The following FFAR4 variants were observed in gnomAD, a reference collection of about 807,000 sequenced individuals.
FFAR4 encodes the protein free fatty acid receptor 4.
FFAR4 carries 19 observed loss-of-function variants against 27.0 expected under a neutral mutation model. That is an observed-to-expected ratio of 0.70 (90% confidence interval 0.49 to 1.03). The LOEUF is 1.03. Ranked by LOEUF, FFAR4 falls within the 50% of genes least tolerant of loss-of-function variation. The pLI is 0.00. For missense variants in FFAR4, 476 were observed against 479.0 expected (o/e 0.99, Z 0.06); for synonymous variants, 254 against 215.6 (o/e 1.18, Z -1.56).
intron 1 of FFAR4, among the ~76,000 whole-genome samples, chr10:93,571,150 C>T (rs1333585084): frequency 2.6e-5 from 4 of 152,164 alleles, no homozygotes; most frequent in East Asian, 3.8e-4. Flanking sequence ...ATCCTAGCAA[C>T]GTTGACATCT....
At position 93,566,860 on chromosome 10, in the gene FFAR4, T is replaced by C; in HGVS notation, c.140T>C (p.Leu47Pro). ...LVLAAVETTV[L>P]VLIFAVSLLG... ...CTGGCCGCGGTGGAGACAACCGTGC[T>C]GGTGCTCATCTTTGCAGTGTCGCTG... The change falls in exon 1 of 3, where the codon CTG becomes CCG. Residue 47 changes from leucine to proline, a missense_variant. Physicochemically the swap from Leu to Pro is moderately conservative, Grantham distance 98. Transcript: ENST00000371481. 1.9e-6 allele frequency: 3 copies of C among 1,601,720 alleles called. No individual in the cohort carries two copies. Among genetic ancestry groups the C allele is most frequent in the Non-Finnish European group, 2.6e-6 (3 of 1,175,662 alleles).
chr10:93,586,876 G>C (rs1290126347), intron 2 of FFAR4, among the ~76,000 whole-genome samples: 1 of 152,212 alleles, frequency 6.6e-6, no homozygotes, highest in African/African-American at 2.4e-5. Context: ...GTATAGCATT[G>C]TTTGAGTTTG....
Position 93,575,229 on chromosome 10 carries a change from G to T in FFAR4, c.568-862G>T, listed in dbSNP as rs554616442. Among the ~76,000 whole-genome samples the T allele has an allele frequency of 1.9e-4, 29 of 152,278 alleles. No homozygotes were observed. In the Middle Eastern group the frequency reaches 0.01, roughly 54 times the overall value. ...GGCCACTTGTTTTCTAGACAGTTTT[G>T]TTTCTGTAGTCAAGTGGGCATAGGA... On this transcript the variant is annotated intron_variant, in intron 1 of 2. Transcript: ENST00000371481.
chr10:93,578,835 G>A (rs2058181551), intron 2 of FFAR4, among the ~76,000 whole-genome samples: 1 of 152,216 alleles, frequency 6.6e-6, no homozygotes, highest in African/African-American at 2.4e-5. Flanking sequence ...ACAAGGAATT[G>A]ATGCTAGAGC....
intron 2 of FFAR4, 103 bp from the exon 3 acceptor site, chr10:93,587,117 C>A: frequency 9.9e-7 from 1 of 1,012,556 alleles, no homozygotes; most frequent in Non-Finnish European, 1.4e-6. Context: ...CACACAGCTT[C>A]AGTGCCTTGG....
chr10:93,572,870 C>T (rs529568207), intron 1 of FFAR4, among the ~76,000 whole-genome samples: 4 of 152,268 alleles, frequency 2.6e-5, no homozygotes, highest in South Asian at 2.1e-4. Context: ...CAAAAGGAGC[C>T]GTGGAAATGA....
At position 93,587,254 on chromosome 10, in the gene FFAR4, G is replaced by A; in HGVS notation, c.731G>A (p.Ser244Asn). 6.2e-7 allele frequency: 1 copy of A among 1,614,092 alleles called. No individual in the cohort carries two copies. The change falls in exon 3 of 3, where the codon AGC becomes AAC. Residue 244 changes from serine to asparagine, a missense_variant. Coordinates refer to ENST00000371481, the MANE Select transcript of FFAR4 (RefSeq NM_001195755.2). ...TKASRKRLTV[S>N]LAYSESHQIR... The stretch of plus-strand genomic sequence containing the variant: ...GCATCAAGGAAGAGGCTCACGGTAA[G>A]CCTGGCCTACTCGGAGAGCCACCAG...
At position 93,587,825 on chromosome 10, in the gene FFAR4, C is replaced by T. The variant is rs1589681074; in HGVS notation, c.*216C>T. 1 of 486,940 alleles carries T rather than the reference C, an allele frequency of 2.1e-6. No homozygotes were observed. Among genetic ancestry groups the T allele is most frequent in the South Asian group, 2.4e-5 (1 of 42,452 alleles). 30.2% of individuals were successfully genotyped at this position (486,940 alleles called of 1,614,324 possible). A position where few individuals can be genotyped will look rare whatever the true frequency, so the allele number is the denominator to read the frequency against. On this transcript the variant is annotated 3_prime_UTR_variant, in exon 3 of 3. Coordinates refer to ENST00000371481, the MANE Select transcript of FFAR4 (RefSeq NM_001195755.2). ...TGTTGGCCAGGTGCAGTGGTTCATG[C>T]CTGTAATCCCAGCAGTTTGGGAGGC...
rs377293659 is a variant in FFAR4, at chr10:93,567,218, G to A, written c.498G>A (p.Ser166=). The A allele has an allele frequency of 1.2e-6, 2 of 1,601,526 alleles. No individual in the cohort carries two copies. Among genetic ancestry groups the A allele is most frequent in the Non-Finnish European group, 1.7e-6 (2 of 1,179,474 alleles). Residue 166 remains serine (S), a synonymous_variant, in exon 1 of 3, where the codon TCG becomes TCA. Transcript: ENST00000371481. ...TGCTGGCGCTCATCTGGGGCTATTC[G>A]GCGGTCGCCGCTCTGCCTCTCTGCG... ...AVLLALIWGY[S]AVAALPLCVF...
At chr10:93,567,821 G>A (rs966187184) in intron 1 of FFAR4, among the ~76,000 whole-genome samples, 1 of 152,142 alleles carries the variant, frequency 6.6e-6, no homozygotes, top group Non-Finnish European at 1.5e-5. Context: ...CTTTGAAAGC[G>A]CGCGGACAGG....
At chr10:93,570,225 T>C (rs1053600371) in intron 1 of FFAR4, among the ~76,000 whole-genome samples, 4 of 151,106 alleles carry the variant, frequency 2.6e-5, no homozygotes, top group African/African-American at 7.3e-5. Flanking sequence ...CACACCTACC[T>C]GCCCAGGAAC....
intron 1 of FFAR4, among the ~76,000 whole-genome samples, chr10:93,574,070 C>T (rs999116091): frequency 3.3e-5 from 5 of 152,056 alleles, no homozygotes; most frequent in Non-Finnish European, 4.4e-5. Flanking sequence ...CATGCGAGCA[C>T]GTGAGTGTAT....
chr10:93,586,690 G>T (rs572161623), intron 2 of FFAR4, among the ~76,000 whole-genome samples: 4 of 152,228 alleles, frequency 2.6e-5, no homozygotes, highest in African/African-American at 9.6e-5. Context: ...TGCGTGGTGT[G>T]GGCCCATCTG....
rs193206933 is a variant in FFAR4 at position 93,589,115 on chromosome 10, C to G, written c.*1506C>G. On this transcript the variant is annotated 3_prime_UTR_variant, in exon 3 of 3. Coordinates refer to ENST00000371481, the MANE Select transcript of FFAR4 (RefSeq NM_001195755.2). ...CGTAAGCCGACTATTGATGGAGCCT[C>G]CTCTGCACTAGGCACTGCCTTTAAT... The G allele has an allele frequency of 6.6e-6, 1 of 152,384 alleles. No homozygotes were observed. Among genetic ancestry groups the G allele is most frequent in the African/African-American group, 2.4e-5 (1 of 41,586 alleles). 9.4% of individuals were successfully genotyped at this position (152,384 alleles called of 1,614,324 possible).
At chr10:93,571,556 C>T (rs928660346) in intron 1 of FFAR4, among the ~76,000 whole-genome samples, 66 of 152,280 alleles carry the variant, frequency 4.3e-4, no homozygotes, top group South Asian at 1.4e-3. Flanking sequence ...TACTCCCTTG[C>T]GGCACTTGAT....
intron 2 of FFAR4, among the ~76,000 whole-genome samples, chr10:93,577,860 A>G (rs994335059): frequency 1.3e-5 from 2 of 152,080 alleles, no homozygotes; most frequent in South Asian, 2.1e-4. Context: ...TAGAGTCCCA[A>G]TGCATTAATT....
chr10:93,572,618 C>A (rs1311152171), intron 1 of FFAR4, among the ~76,000 whole-genome samples: 2 of 152,136 alleles, frequency 1.3e-5, no homozygotes, highest in Non-Finnish European at 2.9e-5. Context: ...TTAGAGATCC[C>A]TTCTGAGTGG....
chr10:93,570,058 C>CA (rs554893101), intron 1 of FFAR4, among the ~76,000 whole-genome samples: 12,210 of 145,844 alleles, frequency 0.084, 693 homozygotes, highest in Non-Finnish European at 0.12. Flanking sequence ...GACTCAATCT[C>CA]AAAAAAAAAA....
At position 93,587,286 on chromosome 10, in the gene FFAR4, G is replaced by A. The variant is rs373550620; in HGVS notation, c.763G>A (p.Val255Met). The change falls in exon 3 of 3, where the codon GTG (valine) becomes ATG (methionine). Residue 255 changes from valine (V) to methionine (M), a missense_variant. By Grantham distance (21) the Val-to-Met change is conservative (BLOSUM62 1). Coordinates refer to ENST00000371481, the MANE Select transcript of FFAR4 (RefSeq NM_001195755.2). ...CTACTCGGAGAGCCACCAGATCCGC[G>A]TGTCCCAGCAGGACTTCCGGCTCTT... ...LAYSESHQIR[V>M]SQQDFRLFRT... The A allele has an allele frequency of 5.6e-6, 9 of 1,613,918 alleles. No individual in the cohort carries two copies. Among genetic ancestry groups the A allele is most frequent in the South Asian group, 4.4e-5 (4 of 91,078 alleles).
Sources: allele counts gnomAD v4.1 joint callset (sites outside exome capture counted in the v4.1 genomes callset), GRCh38; gene constraint gnomAD v4.1.1; transcripts MANE v1.5; gene names NCBI Gene and HGNC (gene_info 2026-07-23, HGNC 2026-07-21).